The following RFX4 variants were observed in gnomAD, a reference collection of about 807,000 sequenced individuals.
RFX4 encodes transcription factor RFX4.
RFX4 carries 10 observed loss-of-function variants against 95.0 expected under a neutral mutation model. That is an observed-to-expected ratio of 0.11 (90% CI 0.06 to 0.18). The LOEUF (loss-of-function observed/expected upper bound fraction) is 0.18, where lower values mean the gene tolerates loss of function less well. Among genes scored for constraint, RFX4 ranks in the 10% least tolerant of loss-of-function variants. RFX4 has a pLI of 1.00. For synonymous variants in RFX4, 321 were observed against 340.7 expected, an observed-to-expected ratio of 0.94 and a Z score of 0.64; for missense variants, 640 against 922.0, an observed-to-expected ratio of 0.69 and a Z score of 3.96.
intron 8 of RFX4, among the ~76,000 whole-genome samples, chr12:106,698,446 T>C (rs1293600464): frequency 2.0e-5 from 3 of 151,940 alleles, no homozygotes; most frequent in African/African-American, 4.8e-5. Flanking sequence ...ACCTGGCTAA[T>C]TTAAAAAAAA....
At chr12:106,583,392 T>C in intron 1 of RFX4, 29 bp downstream of exon 1, 1 of 1,540,254 alleles carries the variant, frequency 6.5e-7, no homozygotes, top group East Asian at 2.5e-5. Flanking sequence ...GTTGGGGGGA[T>C]ACATTGGGAG....
At chr12:106,604,183 C>A (rs895365984) in intron 1 of RFX4, among the ~76,000 whole-genome samples, 1 of 140,894 alleles carries the variant, frequency 7.1e-6, no homozygotes, top group African/African-American at 2.7e-5. Context: ...TGCAGTGGTG[C>A]AATCTCGGCT....
chr12:106,702,300 C>T (rs1310576408), intron 8 of RFX4, among the ~76,000 whole-genome samples: 1 of 152,128 alleles, frequency 6.6e-6, no homozygotes, highest in African/African-American at 2.4e-5. Flanking sequence ...ATACTTATGC[C>T]TGGAAATGGG....
At chr12:106,585,684 C>T (rs1653796225) in intron 1 of RFX4, 1 of 152,188 alleles carries the variant, frequency 6.6e-6, no homozygotes, top group African/African-American at 2.4e-5. Context: ...GATTCTGCTC[C>T]TTTTGTATAA....
chr12:106,614,370 A>G (rs1475937962), intron 2 of RFX4, among the ~76,000 whole-genome samples: 1 of 151,798 alleles, frequency 6.6e-6, no homozygotes, highest in Non-Finnish European at 1.5e-5. Flanking sequence ...CATATTGGCC[A>G]GGCTGGTCTC....
intron 15 of RFX4, among the ~76,000 whole-genome samples, chr12:106,734,704 A>G (rs529137060): frequency 1.1e-4 from 16 of 152,182 alleles, no homozygotes; most frequent in Non-Finnish European, 1.9e-4. Flanking sequence ...AAGAACAGAG[A>G]GAGTCTATAT....
chr12:106,760,278 C>T (rs2043186609), intron 17 of RFX4, among the ~76,000 whole-genome samples: 1 of 152,202 alleles, frequency 6.6e-6, no homozygotes, highest in South Asian at 2.1e-4. Flanking sequence ...TGGGAGCTTT[C>T]AAAGGAAGCC....
intron 4 of RFX4, among the ~76,000 whole-genome samples, chr12:106,668,061 TAA>T (rs894620240): frequency 6.6e-6 from 1 of 152,082 alleles, no homozygotes; most frequent in Non-Finnish European, 1.5e-5. Flanking sequence ...GTGGCTTAAA[TAA>T]ATTAGTGGTC....
chr12:106,717,443 C>G (rs909797751), intron 11 of RFX4, among the ~76,000 whole-genome samples: 1 of 152,234 alleles, frequency 6.6e-6, no homozygotes, highest in Non-Finnish European at 1.5e-5. Flanking sequence ...GAGGTCACTG[C>G]TGCCTCTCTC....
chr12:106,666,888 C>T (rs1366887191), intron 4 of RFX4, among the ~76,000 whole-genome samples: 2 of 152,050 alleles, frequency 1.3e-5, no homozygotes, highest in East Asian at 3.9e-4. Context: ...ATTCTGACAT[C>T]CTTGCCTTGT....
intron 1 of RFX4, among the ~76,000 whole-genome samples, chr12:106,599,181 GTTGT>G (rs900040934): frequency 5.0e-5 from 7 of 140,120 alleles, no homozygotes; most frequent in African/African-American, 1.9e-4. Context: ...TTTCCTCCTC[GTTGT>G]TTTTTTTTTT....
intron 10 of RFX4, among the ~76,000 whole-genome samples, chr12:106,712,997 C>T (rs775635679): frequency 2.0e-5 from 3 of 152,120 alleles, no homozygotes; most frequent in Non-Finnish European, 2.9e-5. Flanking sequence ...GTTGCACAAG[C>T]GTAGGGGCGC....
chr12:106,756,852 C>G (rs558890691), intron 17 of RFX4, among the ~76,000 whole-genome samples: 1 of 152,306 alleles, frequency 6.6e-6, no homozygotes, highest in African/African-American at 2.4e-5. Flanking sequence ...TAAGATCTGT[C>G]TCCCTCACTG....
At position 106,586,665 on chromosome 12, in the gene RFX4, C is replaced by T. The variant is rs573350964; in HGVS notation, c.43+3302C>T. ...TTCCTGGAGCCGGATTTGAGTTCCCCGGGCCGCATCGGTGGGAGGGCACGC... is the reference window on the plus strand; with the variant it reads ...TTCCTGGAGCCGGATTTGAGTTCCCTGGGCCGCATCGGTGGGAGGGCACGC... On this transcript the variant is annotated intron_variant, in intron 1 of 17. Coordinates refer to ENST00000392842, the MANE Select transcript of RFX4 (RefSeq NM_213594.3). The surrounding 1 kb of genome is among the most constrained non-coding windows in gnomAD (Gnocchi z 5.6). 6.6e-6 allele frequency among the ~76,000 whole-genome samples: 1 copy of T among 152,304 alleles called. No individual in the cohort carries two copies. Among genetic ancestry groups the T allele is most frequent in the East Asian group, 1.9e-4 (1 of 5,168 alleles).
intron 4 of RFX4, among the ~76,000 whole-genome samples, chr12:106,656,048 T>C (rs1177458511): frequency 6.6e-6 from 1 of 152,184 alleles, no homozygotes; most frequent in African/African-American, 2.4e-5. Context: ...CCCTATTAGC[T>C]TGTGGTTTTC....
chr12:106,671,996 G>A (rs948936524), intron 4 of RFX4, among the ~76,000 whole-genome samples: 8 of 152,086 alleles, frequency 5.3e-5, no homozygotes, highest in Non-Finnish European at 1.2e-4. Flanking sequence ...ATGTACTACC[G>A]AGTATAAAAC....
At chr12:106,732,289 T>A (rs915943790) in intron 14 of RFX4, 40 bp downstream of exon 14, 1 of 1,609,738 alleles carries the variant, frequency 6.2e-7, no homozygotes, top group South Asian at 1.1e-5. Flanking sequence ...CACTTGGTAA[T>A]GTTATTTGTA....
chr12:106,597,826 T>C (rs1217452635), intron 1 of RFX4, among the ~76,000 whole-genome samples: 1 of 152,004 alleles, frequency 6.6e-6, no homozygotes, highest in Non-Finnish European at 1.5e-5. Flanking sequence ...TGCCACTGCA[T>C]CCCAGCCTAG....
intron 2 of RFX4, among the ~76,000 whole-genome samples, chr12:106,625,503 A>G (rs1014827743): frequency 2.6e-5 from 4 of 152,206 alleles, no homozygotes; most frequent in Non-Finnish European, 5.9e-5. Flanking sequence ...GTCAGTAGAT[A>G]TGTATGCTTC....
Sources: gnomAD v4.1 joint callset for allele counts (sites outside exome capture counted in the v4.1 genomes callset) on GRCh38, gnomAD v4.1.1 for gene constraint, Gnocchi (gnomAD v3.1) non-coding constraint, MANE v1.5 for transcripts, NCBI Gene and HGNC (gene_info 2026-07-23, HGNC 2026-07-21) for gene names.